Variants in SIPA1L1 observed in about 807,000 individuals in gnomAD.
SIPA1L1 encodes the protein signal-induced proliferation-associated 1-like protein 1.
Under a neutral mutation model 162.7 loss-of-function variants are expected in SIPA1L1, and 26 were observed. The ratio of observed to expected loss-of-function variants is 0.16; its 90% CI spans 0.12 to 0.22. The LOEUF (loss-of-function observed/expected upper bound fraction) is 0.22. Ranked by LOEUF, SIPA1L1 falls within the 10% of genes least tolerant of loss-of-function variation. The pLI is 1.00. For synonymous variants in SIPA1L1, 829 were observed against 837.4 expected (o/e 0.99, Z 0.17); for missense variants, 1,874 against 2,241.0 (o/e 0.84, Z 3.31).
intron 4 of SIPA1L1, among the ~76,000 whole-genome samples, chr14:71,578,208 CTTTTTA>C (rs1244821267): frequency 6.6e-6 from 1 of 152,110 alleles, no homozygotes; most frequent in Non-Finnish European, 1.5e-5. Flanking sequence ...TGCTCCCGGA[CTTTTTA>C]TTTTTTATTT....
At chr14:71,337,748 G>T (rs2035242827) in intron 2 of SIPA1L1, among the ~76,000 whole-genome samples, 1 of 152,146 alleles carries the variant, frequency 6.6e-6, no homozygotes, top group Admixed American at 6.5e-5. Flanking sequence ...GAGCCTAGGA[G>T]TTGGAGACCA....
At chr14:71,554,764 A>C (rs2056197458) in intron 4 of SIPA1L1, among the ~76,000 whole-genome samples, 1 of 152,202 alleles carries the variant, frequency 6.6e-6, no homozygotes, top group Non-Finnish European at 1.5e-5. Flanking sequence ...TGCTATAAAC[A>C]TAGTTTGGGA....
intron 14 of SIPA1L1, 62 bp downstream of exon 14, chr14:71,699,189 T>G (rs1489375872): frequency 3.4e-6 from 5 of 1,488,530 alleles, no homozygotes; most frequent in Non-Finnish European, 4.7e-6. Flanking sequence ...TCATCTGTAC[T>G]CAGACATGTA....
At chr14:71,661,542 A>G in intron 10 of SIPA1L1, 75 bp downstream of exon 10, 1 of 1,474,788 alleles carries the variant, frequency 6.8e-7, no homozygotes, top group Non-Finnish European at 9.2e-7. Context: ...TCAGCTCTGC[A>G]TTCTAAAGTG....
chr14:71,648,412 T>C (rs2042350646), intron 7 of SIPA1L1, among the ~76,000 whole-genome samples: 1 of 152,172 alleles, frequency 6.6e-6, no homozygotes, highest in South Asian at 2.1e-4. Flanking sequence ...CAAAGGTGTT[T>C]TTTTGTTTGT....
At chr14:71,456,896 C>G (rs1317630379) in intron 2 of SIPA1L1, among the ~76,000 whole-genome samples, 1 of 152,038 alleles carries the variant, frequency 6.6e-6, no homozygotes, top group Non-Finnish European at 1.5e-5. Context: ...TTTTTTGAAA[C>G]CAACTTAATA....
rs756941695 is a variant in SIPA1L1, at chr14:71,497,270, C to G, written c.-464-15473C>G. ...ATATTGCCCAGGCTGGTCTTGAACTCCTAGACTCAAGGGATCGTTCTTCCT... is the reference window on the plus strand; with the variant it reads ...ATATTGCCCAGGCTGGTCTTGAACTGCTAGACTCAAGGGATCGTTCTTCCT... On this transcript the variant is annotated intron_variant, in intron 2 of 23. Coordinates refer to ENST00000381232, the MANE Select transcript of SIPA1L1 (RefSeq NM_001386936.1). 7.2e-5 allele frequency among the ~76,000 whole-genome samples: 11 copies of G among 152,254 alleles called. 1 individual carries two copies. Among genetic ancestry groups the G allele is most frequent in the Non-Finnish European group, 1.3e-4 (9 of 68,010 alleles).
At chr14:71,352,705 A>G (rs1267328409) in intron 2 of SIPA1L1, among the ~76,000 whole-genome samples, 4 of 152,216 alleles carry the variant, frequency 2.6e-5, no homozygotes, top group Non-Finnish European at 4.4e-5. Context: ...GATGCCATCT[A>G]CAGGGGATAT....
chr14:71,385,576 G>A (rs748929614), intron 2 of SIPA1L1, among the ~76,000 whole-genome samples: 1 of 151,364 alleles, frequency 6.6e-6, no homozygotes, highest in South Asian at 2.1e-4. Flanking sequence ...AAAGAAAAGT[G>A]AATTTAATTT....
chr14:71,530,670 A>T (rs1379820951), intron 4 of SIPA1L1, among the ~76,000 whole-genome samples: 1 of 152,206 alleles, frequency 6.6e-6, no homozygotes, highest in East Asian at 1.9e-4. Flanking sequence ...AATGTTTACC[A>T]ATTCCATTGA....
chr14:71,433,151 C>CT (rs1453357555), intron 2 of SIPA1L1, among the ~76,000 whole-genome samples: 6 of 152,164 alleles, frequency 3.9e-5, no homozygotes, highest in Admixed American at 3.3e-4. Context: ...GCTTAGAACT[C>CT]TGAGTTTCTG....
chr14:71,525,955 C>T (rs2052827629), intron 3 of SIPA1L1, among the ~76,000 whole-genome samples: 1 of 152,214 alleles, frequency 6.6e-6, no homozygotes, highest in African/African-American at 2.4e-5. Flanking sequence ...CCTGCCACTC[C>T]TGTGTACGCT....
rs748432523 is a variant in SIPA1L1 at position 71,658,412 on chromosome 14, A to C, written c.2073A>C (p.Pro691=). ...EIMFHVSTML[P]YTPNNKQQLL... Reference sequence around the variant, plus strand: ...TGTTCCATGTTTCTACCATGCTGCCATACACACCCAACAACAAACAACAGG... The same window carrying C: ...TGTTCCATGTTTCTACCATGCTGCCCTACACACCCAACAACAAACAACAGG... The change falls in exon 9 of 24, where the codon CCA becomes CCC. Residue 691 remains proline, a synonymous_variant. Transcript: ENST00000381232. 1 of 1,603,386 alleles carries C rather than the reference A, an allele frequency of 6.2e-7. No homozygotes were observed. The highest frequency in any genetic ancestry group is 8.5e-7 in the Non-Finnish European group (1 of 1,170,216).
chr14:71,489,523 A>G (rs1300471791), intron 2 of SIPA1L1, among the ~76,000 whole-genome samples: 2 of 152,186 alleles, frequency 1.3e-5, no homozygotes, highest in African/African-American at 2.4e-5. Flanking sequence ...TTAAGGTAAT[A>G]AGACCATTGT....
chr14:71,650,489 G>C lies in SIPA1L1; in HGVS notation c.1973G>C (p.Arg658Pro), dbSNP rs1411899943. 6.2e-7 allele frequency: 1 copy of C among 1,614,050 alleles called. No homozygotes were observed. Among genetic ancestry groups the C allele is most frequent in the Admixed American group, 1.7e-5 (1 of 60,026 alleles). ...CGGCTCAAAGGATTTGAGAAGTATCGAGCACAGCTTGATACCAAAAGTAAG... is the reference window on the plus strand; with the variant it reads ...CGGCTCAAAGGATTTGAGAAGTATCCAGCACAGCTTGATACCAAAAGTAAG... ...RVRLKGFEKYRAQLDTKTDST... is the reference protein window; with the variant it reads ...RVRLKGFEKYPAQLDTKTDST... Residue 658 changes from arginine to proline, a missense_variant, in exon 8 of 24, where the codon CGA becomes CCA. Physicochemically the swap from Arg to Pro is moderately radical, Grantham distance 103. Coordinates refer to ENST00000381232, the MANE Select transcript of SIPA1L1 (RefSeq NM_001386936.1).
chr14:71,607,494 A>G (rs1475544779), intron 5 of SIPA1L1, among the ~76,000 whole-genome samples: 1 of 152,116 alleles, frequency 6.6e-6, no homozygotes. Context: ...CCTGAGCAAC[A>G]TAGTGAGACA....
chr14:71,625,361 G>A (rs1304162597), intron 7 of SIPA1L1, among the ~76,000 whole-genome samples: 6 of 150,050 alleles, frequency 4.0e-5, no homozygotes, highest in African/African-American at 4.9e-5. Flanking sequence ...GTGCAGTGGC[G>A]CAATCTCAGC....
At chr14:71,527,545 A>G (rs2145182736) in intron 3 of SIPA1L1, among the ~76,000 whole-genome samples, 1 of 152,178 alleles carries the variant, frequency 6.6e-6, no homozygotes, top group African/African-American at 2.4e-5. Context: ...TATGTTCTGA[A>G]TCTGTCCTTT....
intron 10 of SIPA1L1, among the ~76,000 whole-genome samples, chr14:71,669,731 C>T (rs2044339049): frequency 6.6e-6 from 1 of 152,018 alleles, no homozygotes; most frequent in Non-Finnish European, 1.5e-5. Flanking sequence ...TGTTGGTTGC[C>T]ACTGTTCTTT....
Sources: allele counts gnomAD v4.1 joint callset (sites outside exome capture counted in the v4.1 genomes callset), GRCh38; gene constraint gnomAD v4.1.1; transcripts MANE v1.5; gene names NCBI Gene and HGNC (gene_info 2026-07-23, HGNC 2026-07-21).